Variants in HSD3B2 observed in about 807,000 individuals in gnomAD.
The protein encoded by HSD3B2 is hydroxy-delta-5-steroid dehydrogenase, 3 beta- and steroid delta-isomerase 2.
HSD3B2 carries 8 observed loss-of-function variants against 9.9 expected under a neutral mutation model. That is an observed-to-expected ratio of 0.81 (90% CI 0.47 to 1.46). The LOEUF (loss-of-function observed/expected upper bound fraction) is 1.46, where lower values mean the gene tolerates loss of function less well. Among genes scored for constraint, HSD3B2 ranks in the 40% most tolerant of loss-of-function variants. HSD3B2 has a pLI of 0.00. For synonymous variants in HSD3B2, 221 were observed against 184.5 expected, an observed-to-expected ratio of 1.20 and a Z score of -1.60; for missense variants, 410 against 448.3, an observed-to-expected ratio of 0.91 and a Z score of 0.77.
intron 3 of HSD3B2, among the ~76,000 whole-genome samples, chr1:119,421,458 T>C (rs1651867064): frequency 1.2e-4 from 1 of 8,378 alleles, no homozygotes; most frequent in Non-Finnish European, 2.1e-4. Flanking sequence ...TATATGTATA[T>C]ATATATGTAT....
intron 2 of HSD3B2, chr1:119,417,266 A>G (rs972254849): frequency 7.2e-5 from 11 of 152,186 alleles, no homozygotes; most frequent in African/African-American, 2.7e-4. Flanking sequence ...ACACAAAAGC[A>G]ACTGAATTTA....
chr1:119,418,003 C>T (rs1393264499), intron 2 of HSD3B2, among the ~76,000 whole-genome samples: 4 of 152,076 alleles, frequency 2.6e-5, no homozygotes, highest in East Asian at 1.9e-4. Flanking sequence ...AGCTGTGAGC[C>T]GTATGCAGAT....
rs763766489 is a variant in HSD3B2, at chr1:119,420,429, A to C, written c.307+847A>C. ...AGCACTGTCTAAAAAAACAAACAAA[A>C]AAAAAACCTTTCCAGTTTCTACATA... On this transcript the variant is annotated intron_variant, in intron 3 of 3. Transcript: ENST00000369416. Among the ~76,000 whole-genome samples the C allele has an allele frequency of 7.2e-5, 11 of 152,252 alleles. 1 individual carries two copies. The Middle Eastern group carries it at 0.017, about 235-fold the overall frequency.
In HSD3B2 at chr1:119,415,306, T is replaced by C; in HGVS notation, c.-89-25T>C. On this transcript the variant is annotated intron_variant, in intron 1 of 3. Transcript: ENST00000369416. ...GAAAATAAGGCATCTGCTGAGTGTA[T>C]AACCATTTTACCTCTTGTTTTTAGC... 3 of 1,125,964 alleles carry C rather than the reference T, an allele frequency of 2.7e-6. No homozygotes were observed. The South Asian group carries it at 3.8e-5, about 14-fold the overall frequency. The allele number at this position is 1,125,964 out of a possible 1,614,324, so 69.7% of individuals were successfully genotyped here.
intron 3 of HSD3B2, among the ~76,000 whole-genome samples, chr1:119,420,283 T>C (rs966630735): frequency 1.3e-5 from 2 of 152,128 alleles, no homozygotes; most frequent in Non-Finnish European, 2.9e-5. Context: ...CCATGCAGTC[T>C]CACCCTCTGA....
Position 119,422,563 on chromosome 1 carries a change from G to T in HSD3B2, c.1062G>T (p.Glu354Asp). The T allele has an allele frequency of 6.2e-7, 1 of 1,614,112 alleles. No homozygotes were observed. The highest frequency in any genetic ancestry group is 8.5e-7 in the Non-Finnish European group (1 of 1,180,000). ...SWEEAKQKTV[E>D]WVGSLVDRHK... ...AGGAAGCCAAGCAGAAAACCGTGGA[G>T]TGGGTTGGTTCCCTTGTGGACCGGC... Residue 354 changes from glutamate (E) to aspartate (D), a missense_variant, in exon 4 of 4, where the codon GAG becomes GAT. By Grantham distance (45) the Glu-to-Asp change is conservative (BLOSUM62 2). Coordinates refer to ENST00000369416, the MANE Select transcript of HSD3B2 (RefSeq NM_000198.4).
Position 119,415,322 on chromosome 1 carries a change from T to A in HSD3B2, c.-89-9T>A. 7.6e-7 allele frequency: 1 copy of A among 1,321,762 alleles called. No homozygotes were observed. Among genetic ancestry groups the A allele is most frequent in the South Asian group, 1.2e-5 (1 of 84,492 alleles). The allele number at this position is 1,321,762 out of a possible 1,614,324, so 81.9% of individuals were successfully genotyped here. On this transcript the variant is annotated splice_polypyrimidine_tract_variant and intron_variant, in intron 1 of 3. Transcript: ENST00000369416. Reference sequence around the variant, plus strand: ...CTGAGTGTATAACCATTTTACCTCTTGTTTTTAGCCCTCTTCTGGGTCACG... The same window carrying A: ...CTGAGTGTATAACCATTTTACCTCTAGTTTTTAGCCCTCTTCTGGGTCACG...
At position 119,422,480 on chromosome 1, in the gene HSD3B2, A is replaced by G. The variant is rs1044377830; in HGVS notation, c.979A>G (p.Thr327Ala). Residue 327 changes from threonine to alanine, a missense_variant, in exon 4 of 4, where the codon ACC becomes GCC. Coordinates refer to ENST00000369416, the MANE Select transcript of HSD3B2 (RefSeq NM_000198.4). Reference protein sequence around the residue: ...HTVTLSNSVFTFSYKKAQRDL... With the variant: ...HTVTLSNSVFAFSYKKAQRDL... The stretch of plus-strand genomic sequence containing the variant: ...AGTCACATTATCAAATAGTGTGTTC[A>G]CCTTCTCTTACAAGAAGGCTCAGCG... 2.5e-6 allele frequency: 4 copies of G among 1,614,016 alleles called. No individual in the cohort carries two copies. Among genetic ancestry groups the G allele is most frequent in the Non-Finnish European group, 3.4e-6 (4 of 1,179,982 alleles).
At chr1:119,417,064 T>C (rs1473672969) in intron 2 of HSD3B2, among the ~76,000 whole-genome samples, 3 of 152,206 alleles carry the variant, frequency 2.0e-5, no homozygotes, top group Non-Finnish European at 4.4e-5. Flanking sequence ...CCCTATGAGA[T>C]GGGTAATACT....
Position 119,422,299 on chromosome 1 carries a change from C to T in HSD3B2, c.798C>T (p.Asn266=), listed in dbSNP as rs964948649. 3.2e-5 allele frequency: 51 copies of T among 1,613,998 alleles called. No homozygotes were observed. Among genetic ancestry groups the T allele is most frequent in the East Asian group, 2.0e-4 (9 of 44,868 alleles). Residue 266 remains asparagine, a synonymous_variant, in exon 4 of 4, where the codon AAC becomes AAT. Coordinates refer to ENST00000369416, the MANE Select transcript of HSD3B2 (RefSeq NM_000198.4). The part of the protein sequence containing the change: ...SDDTPHQSYD[N]LNYILSKEFG... The stretch of plus-strand genomic sequence containing the variant: ...ACACGCCTCACCAAAGCTATGATAA[C>T]CTTAATTACATCCTGAGCAAAGAGT...
intron 3 of HSD3B2, chr1:119,419,949 C>T (rs1651814598): frequency 3.0e-6 from 1 of 328,348 alleles, no homozygotes; most frequent in African/African-American, 2.1e-5. Flanking sequence ...CTCCTTGGCT[C>T]CCCGGGCCAG....
At chr1:119,416,913 C>A (rs1268383496) in intron 2 of HSD3B2, among the ~76,000 whole-genome samples, 3 of 152,156 alleles carry the variant, frequency 2.0e-5, no homozygotes. Flanking sequence ...AAGAGTTCTG[C>A]TATGGTGAAA....
intron 2 of HSD3B2, among the ~76,000 whole-genome samples, chr1:119,418,621 TTATTATTAC>T (rs201963761): frequency 0.057 from 5,994 of 105,202 alleles, 171 homozygotes; most frequent in South Asian, 0.12. Context: ...TTATCTTTTA[TTATTATTAC>T]TATTATTATT....
Position 119,419,594 on chromosome 1 carries a change from TG to T in HSD3B2, c.307+16del. On this transcript the variant is annotated intron_variant, in intron 3 of 3. Coordinates refer to ENST00000369416, the MANE Select transcript of HSD3B2 (RefSeq NM_000198.4). ...TGTCAATGTGAAAGGTACAGTAGCC[TG>T]GGGAGGAGATAAAACAAGTTGGTTA... 6.2e-7 allele frequency: 1 copy of T among 1,613,006 alleles called. No homozygotes were observed. Among genetic ancestry groups the T allele is most frequent in the Admixed American group, 1.7e-5 (1 of 59,988 alleles).
At position 119,422,505 on chromosome 1, in the gene HSD3B2, G is replaced by A. The variant is rs985808078; in HGVS notation, c.1004G>A (p.Arg335Gln). Residue 335 changes from arginine (R) to glutamine (Q), a missense_variant, in exon 4 of 4, where the codon CGA (arginine) becomes CAA (glutamine). Coordinates refer to ENST00000369416, the MANE Select transcript of HSD3B2 (RefSeq NM_000198.4). Reference protein sequence around the residue: ...VFTFSYKKAQRDLAYKPLYSW... With the variant: ...VFTFSYKKAQQDLAYKPLYSW... Reference sequence around the variant, plus strand: ...ACCTTCTCTTACAAGAAGGCTCAGCGAGATCTGGCGTATAAGCCACTCTAC... The same window carrying A: ...ACCTTCTCTTACAAGAAGGCTCAGCAAGATCTGGCGTATAAGCCACTCTAC... 8.1e-6 allele frequency: 13 copies of A among 1,614,050 alleles called. No individual in the cohort carries two copies. The highest frequency in any genetic ancestry group is 2.7e-5 in the African/African-American group (2 of 75,018).
At position 119,415,512 on chromosome 1, in the gene HSD3B2, C is replaced by A. The variant is rs1224849804; in HGVS notation, c.93C>A (p.Ile31=). The change falls in exon 2 of 4, where the codon ATC becomes ATA. Residue 31 remains isoleucine, a synonymous_variant. Transcript: ENST00000369416. The stretch of plus-strand genomic sequence containing the variant: ...TGGAAGAGAAGGAACTGAAGGAGAT[C>A]AGGGCCTTGGACAAGGCCTTCAGAC... The part of the protein sequence containing the change: ...LLVEEKELKE[I]RALDKAFRPE... The A allele has an allele frequency of 6.2e-7, 1 of 1,613,692 alleles. No homozygotes were observed. The highest frequency in any genetic ancestry group is 1.7e-5 in the Admixed American group (1 of 59,990).
At chr1:119,419,623 T>C (rs763555266) in intron 3 of HSD3B2, 41 bp downstream of exon 3, 1 of 1,590,064 alleles carries the variant, frequency 6.3e-7, no homozygotes, top group African/African-American at 1.3e-5. Context: ...GTTGGTTAAA[T>C]GAGGATCAGA....
chr1:119,416,355 T>C (rs1352733569), intron 2 of HSD3B2, among the ~76,000 whole-genome samples: 1 of 152,184 alleles, frequency 6.6e-6, no homozygotes, highest in African/African-American at 2.4e-5. Context: ...ATACTCCAAA[T>C]AAATTGACTG....
At chr1:119,417,866 G>T (rs1271500448) in intron 2 of HSD3B2, among the ~76,000 whole-genome samples, 2 of 152,140 alleles carry the variant, frequency 1.3e-5, no homozygotes, top group South Asian at 2.1e-4. Flanking sequence ...GAATGGGCAG[G>T]TTTGAGCCTT....
Sources: allele counts gnomAD v4.1 joint callset (sites outside exome capture counted in the v4.1 genomes callset), GRCh38; gene constraint gnomAD v4.1.1; transcripts MANE v1.5; gene names NCBI Gene and HGNC (gene_info 2026-07-23, HGNC 2026-07-21).